Variants in KPNA5 observed in about 807,000 individuals in gnomAD.
The protein encoded by KPNA5 is importin subunit alpha-6.
KPNA5 carries 46 observed loss-of-function variants against 71.3 expected under a neutral mutation model. The ratio of observed to expected loss-of-function variants is 0.65; its 90% CI spans 0.51 to 0.83. KPNA5 has a LOEUF of 0.83. KPNA5 is among the 40% of genes least tolerant of loss of function. KPNA5 has a pLI of 0.00. For synonymous variants in KPNA5, 207 were observed against 201.4 expected, an observed-to-expected ratio of 1.03 and a Z score of -0.24; for missense variants, 547 against 628.3, an observed-to-expected ratio of 0.87 and a Z score of 1.38.
intron 13 of KPNA5, among the ~76,000 whole-genome samples, chr6:116,730,084 A>ATTTTT: frequency 8.0e-6 from 1 of 124,696 alleles, no homozygotes. Flanking sequence ...AAAATATGTA[A>ATTTTT]TTTTTTTTTT....
At chr6:116,691,599 G>C (rs949439440) in intron 2 of KPNA5, among the ~76,000 whole-genome samples, 1 of 152,112 alleles carries the variant, frequency 6.6e-6, no homozygotes, top group East Asian at 1.9e-4. Flanking sequence ...GCATAGTACT[G>C]TCATTCCTAA....
intron 1 of KPNA5, among the ~76,000 whole-genome samples, chr6:116,684,249 G>A (rs1777483890): frequency 6.6e-6 from 1 of 152,020 alleles, no homozygotes; most frequent in Non-Finnish European, 1.5e-5. Flanking sequence ...ATTTGTAGGT[G>A]CACATAGTAT....
chr6:116,703,641 C>T (rs756271301), intron 6 of KPNA5, among the ~76,000 whole-genome samples: 2 of 152,056 alleles, frequency 1.3e-5, no homozygotes, highest in Non-Finnish European at 2.9e-5. Context: ...AAGATCTCCA[C>T]CAACAGAATA....
In KPNA5 at chr6:116,681,289, C is replaced by T. The variant is rs368633089; in HGVS notation, c.-46C>T. 1 of 1,609,496 alleles carries T rather than the reference C, an allele frequency of 6.2e-7. No individual in the cohort carries two copies. Among genetic ancestry groups the T allele is most frequent in the Non-Finnish European group, 8.5e-7 (1 of 1,177,560 alleles). The stretch of plus-strand genomic sequence containing the variant: ...CCCTTCTGTTACCCGCCACACACGT[C>T]GCCGCTGGGGACTGGGAAATCAGGG... On this transcript the variant is annotated 5_prime_UTR_variant, in exon 1 of 14. Coordinates refer to ENST00000368564, the MANE Select transcript of KPNA5 (RefSeq NM_001366306.2).
At position 116,705,117 on chromosome 6, in the gene KPNA5, A is replaced by G. The variant is rs1366093502; in HGVS notation, c.613A>G (p.Arg205Gly). Reference sequence around the variant, plus strand: ...TATTGCTGGTGACAATGCAGAATGCAGAGATTTTGTTTTGAATTGTGAAAT... The same window carrying G: ...TATTGCTGGTGACAATGCAGAATGCGGAGATTTTGTTTTGAATTGTGAAAT... ...GNIAGDNAEC[R>G]DFVLNCEILP... The change falls in exon 7 of 14, where the codon AGA (arginine) becomes GGA (glycine). Residue 205 changes from arginine to glycine, a missense_variant. Transcript: ENST00000368564. The G allele has an allele frequency of 6.2e-7, 1 of 1,612,998 alleles. No individual in the cohort carries two copies.
rs1450044297 is a variant in KPNA5 at position 116,739,296 on chromosome 6, G to A, written c.*6973G>A. The A allele has an allele frequency of 6.6e-6, 1 of 151,858 alleles. No homozygotes were observed. Among genetic ancestry groups the A allele is most frequent in the Non-Finnish European group, 1.5e-5 (1 of 67,950 alleles). The allele number at this position is 151,858 out of a possible 1,614,324, so 9.4% of individuals were successfully genotyped here. A position where few individuals can be genotyped will look rare whatever the true frequency, so the allele number is the denominator to read the frequency against. On this transcript the variant is annotated 3_prime_UTR_variant, in exon 14 of 14. Coordinates refer to ENST00000368564, the MANE Select transcript of KPNA5 (RefSeq NM_001366306.2). ...CTTAGGAATCCAACTTACAAGGGAC[G>A]TGAAGGACCTCTTCAAGGAGAACTA...
intron 1 of KPNA5, among the ~76,000 whole-genome samples, chr6:116,688,760 A>C (rs535172400): frequency 9.2e-5 from 14 of 152,286 alleles, no homozygotes; most frequent in African/African-American, 3.4e-4. Flanking sequence ...AAAAACTGAT[A>C]TTGTAGTCAT....
intron 12 of KPNA5, among the ~76,000 whole-genome samples, chr6:116,728,789 T>A (rs1779371938): frequency 6.6e-6 from 1 of 152,056 alleles, no homozygotes; most frequent in Non-Finnish European, 1.5e-5. Context: ...GTCACACAAC[T>A]AATAAGGGGT....
In KPNA5 at chr6:116,681,327, C is replaced by A. The variant is rs1434559369; in HGVS notation, c.-8C>A. 2.5e-6 allele frequency: 4 copies of A among 1,606,238 alleles called. No individual in the cohort carries two copies. The South Asian group carries it at 4.4e-5, about 18-fold the overall frequency. On this transcript the variant is annotated 5_prime_UTR_variant, in exon 1 of 14. Transcript: ENST00000368564. ...TGGGAAATCAGGGCATCGGAGAGTG[C>A]CACATTAATGGGTAAGTTGGAGTGA...
At chr6:116,715,372 A>G (rs1778848846) in intron 7 of KPNA5, among the ~76,000 whole-genome samples, 1 of 152,150 alleles carries the variant, frequency 6.6e-6, no homozygotes, top group African/African-American at 2.4e-5. Context: ...TCTCCTATTT[A>G]AATAACTAAA....
chr6:116,694,030 A>G (rs1368472685), intron 4 of KPNA5, among the ~76,000 whole-genome samples: 1 of 152,216 alleles, frequency 6.6e-6, no homozygotes, highest in Non-Finnish European at 1.5e-5. Flanking sequence ...CAGGTTTGTC[A>G]AAGATCAGAT....
Position 116,698,748 on chromosome 6 carries a change from G to T in KPNA5, c.385G>T (p.Val129Leu). The stretch of plus-strand genomic sequence containing the variant: ...TCAAGTTATACAGAAACCAGGAGTT[G>T]TACAGAGATTTGTGAAATTTCTTGA... ...IDQVIQKPGV[V>L]QRFVKFLERN... Residue 129 changes from valine (V) to leucine (L), a missense_variant, in exon 5 of 14, where the codon GTA becomes TTA. Physicochemically the swap from Val to Leu is conservative, Grantham distance 32. Transcript: ENST00000368564. The T allele has an allele frequency of 6.2e-7, 1 of 1,601,684 alleles. No homozygotes were observed. Among genetic ancestry groups the T allele is most frequent in the Non-Finnish European group, 8.5e-7 (1 of 1,174,370 alleles).
intron 1 of KPNA5, among the ~76,000 whole-genome samples, chr6:116,688,997 A>T (rs753647992): frequency 2.4e-4 from 37 of 152,158 alleles, no homozygotes; most frequent in Non-Finnish European, 3.4e-4. Flanking sequence ...CCTGACAGTA[A>T]TTATGTTTCA....
At chr6:116,685,102 T>G (rs888442027) in intron 1 of KPNA5, among the ~76,000 whole-genome samples, 8 of 152,120 alleles carry the variant, frequency 5.3e-5, no homozygotes, top group Non-Finnish European at 1.0e-4. Context: ...GCACATTTAT[T>G]CATAACCTCC....
rs1562455345 is a variant in KPNA5 at position 116,726,642 on chromosome 6, ATT to A, written c.1253+21_1253+22del. The A allele has an allele frequency of 6.5e-7, 1 of 1,529,068 alleles. No homozygotes were observed. 94.7% of individuals were successfully genotyped at this position (1,529,068 alleles called of 1,614,324 possible). A position where few individuals can be genotyped will look rare whatever the true frequency, so the allele number is the denominator to read the frequency against. On this transcript the variant is annotated intron_variant, in intron 12 of 13. Transcript: ENST00000368564. ...AATAAGGTATGATATAAACTTCTTA[ATT>A]GTTTTTTACATGTAAATGAGACAAA...
intron 7 of KPNA5, among the ~76,000 whole-genome samples, chr6:116,715,320 G>A (rs1778846036): frequency 6.6e-6 from 1 of 151,862 alleles, no homozygotes; most frequent in Non-Finnish European, 1.5e-5. Context: ...TCTCAAGGGG[G>A]TCCACAACTC....
Position 116,732,237 on chromosome 6 carries a change from C to G in KPNA5, c.1534C>G (p.Pro512Ala). 6.3e-7 allele frequency: 1 copy of G among 1,591,868 alleles called. No homozygotes were observed. Among genetic ancestry groups the G allele is most frequent in the Non-Finnish European group, 8.6e-7 (1 of 1,168,872 alleles). Residue 512 changes from proline (P) to alanine (A), a missense_variant, in exon 14 of 14, where the codon CCC becomes GCC. Coordinates refer to ENST00000368564, the MANE Select transcript of KPNA5 (RefSeq NM_001366306.2). ...TTACTTTGGTGTAGAAGAAGATGAC[C>G]CCAGCATTGTACCTCAGGTGGATGA... ...EHYFGVEEDD[P>A]SIVPQVDENQ... is the part of the protein sequence containing the mutation.
At chr6:116,694,599 G>C (rs964540880) in intron 4 of KPNA5, among the ~76,000 whole-genome samples, 1 of 152,044 alleles carries the variant, frequency 6.6e-6, no homozygotes, top group Non-Finnish European at 1.5e-5. Flanking sequence ...TATCCTGAGA[G>C]TTTGCTGAAT....
Position 116,732,072 on chromosome 6 carries a change from GTTTATATATATATATATATA to G in KPNA5, c.1433-62_1433-43del, listed in dbSNP as rs1779504383. On this transcript the variant is annotated intron_variant, in intron 13 of 13. Transcript: ENST00000368564. ...TATACTGAAATTGTAGTAACAGTTTGTTTATATATATATATATATATATATATATATATATATATATATAT... is the reference window on the plus strand; with the variant it reads ...TATACTGAAATTGTAGTAACAGTTTGTATATATATATATATATATATATAT... 5.8e-5 allele frequency: 4 copies of G among 69,250 alleles called. 2 individuals carry two copies. The highest frequency in any genetic ancestry group is 1.0e-4 in the Non-Finnish European group (4 of 38,634). 4.3% of individuals were successfully genotyped at this position (69,250 alleles called of 1,614,324 possible).
Sources: allele counts gnomAD v4.1 joint callset (sites outside exome capture counted in the v4.1 genomes callset), GRCh38; gene constraint gnomAD v4.1.1; transcripts MANE v1.5; gene names NCBI Gene and HGNC (gene_info 2026-07-23, HGNC 2026-07-21).